The following GRXCR1 variants were observed in gnomAD, a reference collection of about 807,000 sequenced individuals.
GRXCR1 encodes the protein glutaredoxin and cysteine rich domain containing 1.
GRXCR1 carries 27 observed loss-of-function variants against 27.3 expected under a neutral mutation model. The ratio of observed to expected loss-of-function variants is 0.99; its 90% CI spans 0.73 to 1.37. The LOEUF is 1.37. Ranked by LOEUF, GRXCR1 falls within the 40% of genes most tolerant of loss-of-function variation. GRXCR1 has a pLI of 0.00. For missense variants in GRXCR1, 379 were observed against 354.4 expected, an observed-to-expected ratio of 1.07 and a Z score of -0.56; for synonymous variants, 122 against 131.1, an observed-to-expected ratio of 0.93 and a Z score of 0.47.
At chr4:42,915,420 T>A (rs1228210222) in intron 1 of GRXCR1, among the ~76,000 whole-genome samples, 2 of 152,186 alleles carry the variant, frequency 1.3e-5, no homozygotes, top group Non-Finnish European at 2.9e-5. Flanking sequence ...AATTAGGGTG[T>A]GTAGGATTGT....
chr4:42,945,588 G>T (rs1432919996), intron 1 of GRXCR1, among the ~76,000 whole-genome samples: 1 of 152,142 alleles, frequency 6.6e-6, no homozygotes, highest in Admixed American at 6.5e-5. Flanking sequence ...AGTGGCTGTG[G>T]CATAGAGGTT....
chr4:42,959,387 C>T (rs763952820), intron 1 of GRXCR1, among the ~76,000 whole-genome samples: 10 of 151,226 alleles, frequency 6.6e-5, no homozygotes, highest in Admixed American at 3.3e-4. Flanking sequence ...AAAGCAATCT[C>T]AAATACATAG....
intron 2 of GRXCR1, among the ~76,000 whole-genome samples, chr4:42,972,879 C>T (rs112457146): frequency 6.6e-6 from 1 of 152,120 alleles, no homozygotes; most frequent in South Asian, 2.1e-4. Context: ...TATTTACATG[C>T]TGAATTACTT....
At chr4:42,914,098 G>A (rs1048808730) in intron 1 of GRXCR1, among the ~76,000 whole-genome samples, 2 of 152,230 alleles carry the variant, frequency 1.3e-5, no homozygotes, top group African/African-American at 2.4e-5. Context: ...AGTGTGGAAG[G>A]GAAATGTGGG....
intron 3 of GRXCR1, among the ~76,000 whole-genome samples, chr4:43,029,753 G>A (rs1462588892): frequency 6.6e-6 from 1 of 152,148 alleles, no homozygotes; most frequent in Non-Finnish European, 1.5e-5. Flanking sequence ...GGATAATGAT[G>A]CTCGAATTAA....
chr4:42,979,286 C>A (rs1452419270), intron 2 of GRXCR1, among the ~76,000 whole-genome samples: 2 of 152,040 alleles, frequency 1.3e-5, no homozygotes, highest in South Asian at 2.1e-4. Context: ...CAGCCTTCAT[C>A]TTTTCCTCAT....
chr4:42,930,133 C>T (rs1386922448), intron 1 of GRXCR1, among the ~76,000 whole-genome samples: 3 of 151,948 alleles, frequency 2.0e-5, no homozygotes, highest in African/African-American at 4.8e-5. Flanking sequence ...TACATTTCTT[C>T]GTTCTCTTAA....
intron 2 of GRXCR1, among the ~76,000 whole-genome samples, chr4:43,002,798 A>G (rs1712417844): frequency 6.6e-6 from 1 of 152,178 alleles, no homozygotes. Context: ...ATCCTAGAAA[A>G]AGGAGGTATT....
At chr4:42,969,646 C>T (rs1020444976) in intron 2 of GRXCR1, among the ~76,000 whole-genome samples, 15 of 152,034 alleles carry the variant, frequency 9.9e-5, no homozygotes, top group Admixed American at 4.6e-4. Context: ...AGAACAACAA[C>T]GGGGAAGTCT....
chr4:42,926,076 C>T (rs968164321), intron 1 of GRXCR1, among the ~76,000 whole-genome samples: 2 of 152,018 alleles, frequency 1.3e-5, no homozygotes, highest in East Asian at 1.9e-4. Flanking sequence ...TGAAGATACT[C>T]GACTAATATG....
intron 2 of GRXCR1, among the ~76,000 whole-genome samples, chr4:42,982,840 T>G (rs1711535313): frequency 6.6e-6 from 1 of 151,190 alleles, no homozygotes; most frequent in African/African-American, 2.4e-5. Flanking sequence ...GTTTTTTGGC[T>G]GCATAAATGT....
intron 1 of GRXCR1, among the ~76,000 whole-genome samples, chr4:42,958,399 C>G (rs1333528936): frequency 4.6e-5 from 7 of 151,914 alleles, no homozygotes; most frequent in Non-Finnish European, 1.0e-4. Context: ...TTATCCTATA[C>G]CACATATTCA....
chr4:42,897,004 A>T (rs1746360193), intron 1 of GRXCR1, among the ~76,000 whole-genome samples: 1 of 152,118 alleles, frequency 6.6e-6, no homozygotes. Context: ...TCTTTAAGAA[A>T]TTCTGCTCTT....
At chr4:42,989,133 T>C (rs1278543467) in intron 2 of GRXCR1, among the ~76,000 whole-genome samples, 1 of 152,206 alleles carries the variant, frequency 6.6e-6, no homozygotes, top group Non-Finnish European at 1.5e-5. Flanking sequence ...ATATCGCTTA[T>C]ATATTACTCA....
chr4:42,900,026 T>G (rs1746427665), intron 1 of GRXCR1, among the ~76,000 whole-genome samples: 1 of 152,186 alleles, frequency 6.6e-6, no homozygotes, highest in Admixed American at 6.6e-5. Context: ...AACTTAAAAA[T>G]GCAATTTAAC....
rs143305706 is a variant in GRXCR1 at position 43,026,344 on chromosome 4, T to G, written c.694-4017T>G. ...CAAATTGCTCTTTGAAAGACATGGC[T>G]AGGCATGACTAAATTATTTATTCTT... On this transcript the variant is annotated intron_variant, in intron 3 of 3. Transcript: ENST00000399770. Among the ~76,000 whole-genome samples, 181 of 152,314 alleles carry G rather than the reference T, an allele frequency of 1.2e-3. 1 individual carries two copies. Among genetic ancestry groups the G allele is most frequent in the Non-Finnish European group, 1.9e-3 (130 of 68,030 alleles).
intron 2 of GRXCR1, among the ~76,000 whole-genome samples, chr4:43,008,426 T>A (rs1017049528): frequency 6.6e-6 from 1 of 152,188 alleles, no homozygotes; most frequent in Non-Finnish European, 1.5e-5. Context: ...CAAGTTTGCC[T>A]TTACAAGTGG....
rs544856744 is a variant in GRXCR1 at position 42,975,402 on chromosome 4, C to G, written c.627+12268C>G. ...CTAAGATTTAGCAGGAATTAGTGCC[C>G]TTTTCAGTTATGTGTACCTAGGAGT... On this transcript the variant is annotated intron_variant, in intron 2 of 3. Coordinates refer to ENST00000399770, the MANE Select transcript of GRXCR1 (RefSeq NM_001080476.3). Among the ~76,000 whole-genome samples the G allele has an allele frequency of 2.6e-5, 4 of 152,180 alleles. No homozygotes were observed. In the East Asian group the frequency reaches 7.7e-4, roughly 29 times the overall value.
intron 1 of GRXCR1, among the ~76,000 whole-genome samples, chr4:42,961,905 G>A (rs920841936): frequency 6.6e-6 from 1 of 151,868 alleles, no homozygotes; most frequent in Non-Finnish European, 1.5e-5. Context: ...ACTCCACAGG[G>A]GTTTTGCAAA....
Sources: gnomAD v4.1 joint callset for allele counts (sites outside exome capture counted in the v4.1 genomes callset) on GRCh38, gnomAD v4.1.1 for gene constraint, MANE v1.5 for transcripts, NCBI Gene and HGNC (gene_info 2026-07-23, HGNC 2026-07-21) for gene names.